The following DPP6 variants were observed in gnomAD, a reference collection of about 807,000 sequenced individuals.
DPP6 encodes dipeptidyl peptidase like 6.
DPP6 carries 69 observed loss-of-function variants against 122.6 expected under a neutral mutation model. The ratio of observed to expected loss-of-function variants is 0.56; its 90% CI spans 0.46 to 0.69. The LOEUF is 0.69. Among genes scored for constraint, DPP6 ranks in the 30% least tolerant of loss-of-function variants. DPP6 has a pLI of 0.00. For synonymous variants in DPP6, 418 were observed against 433.1 expected (o/e 0.97, Z 0.43); for missense variants, 928 against 1,116.9 (o/e 0.83, Z 2.41).
chr7:154,681,833 G>C (rs1839298997), intron 7 of DPP6, among the ~76,000 whole-genome samples: 1 of 152,204 alleles, frequency 6.6e-6, no homozygotes, highest in Non-Finnish European at 1.5e-5. Context: ...CCCACTTACT[G>C]TAGCAGTTAA....
intron 1 of DPP6, among the ~76,000 whole-genome samples, chr7:154,425,626 GTGTGTGT>G (rs1326085708): frequency 0.05 from 7,147 of 141,544 alleles, 371 homozygotes; most frequent in East Asian, 0.24. Flanking sequence ...GTGTGGGTGT[GTGTGTGT>G]GTGTGTGTGT....
chr7:154,330,108 T>A (rs1360994779), intron 1 of DPP6, among the ~76,000 whole-genome samples: 3 of 152,240 alleles, frequency 2.0e-5, no homozygotes, highest in Non-Finnish European at 4.4e-5. Context: ...AGATGATGGG[T>A]TGATAGGTGC....
chr7:154,518,185 G>A (rs1393617306), intron 3 of DPP6, among the ~76,000 whole-genome samples: 2 of 152,208 alleles, frequency 1.3e-5, no homozygotes, highest in Non-Finnish European at 2.9e-5. Flanking sequence ...GAGTCTTACT[G>A]TGTGTTAGTT....
At chr7:154,268,578 A>G (rs1389488412) in intron 1 of DPP6, among the ~76,000 whole-genome samples, 3 of 152,216 alleles carry the variant, frequency 2.0e-5, no homozygotes, top group African/African-American at 7.2e-5. Flanking sequence ...ATTCTGACAT[A>G]GGGATTTTGG....
chr7:154,436,213 G>A (rs1009155038), intron 1 of DPP6, among the ~76,000 whole-genome samples: 1 of 150,984 alleles, frequency 6.6e-6, no homozygotes, highest in Admixed American at 6.6e-5. Flanking sequence ...CTTTGTGCCT[G>A]TCTGTCCAGC....
intron 1 of DPP6, among the ~76,000 whole-genome samples, chr7:154,120,400 A>G (rs955824522): frequency 2.6e-5 from 4 of 152,010 alleles, no homozygotes; most frequent in Non-Finnish European, 5.9e-5. Context: ...GTCCGCCACC[A>G]TGCCCAGCTA....
At chr7:154,510,760 AG>A (rs1826005229) in intron 3 of DPP6, among the ~76,000 whole-genome samples, 1 of 151,994 alleles carries the variant, frequency 6.6e-6, no homozygotes, top group South Asian at 2.1e-4. Context: ...AGCAAGTAAG[AG>A]GGTAAGGAGG....
intron 1 of DPP6, among the ~76,000 whole-genome samples, chr7:154,409,091 C>T (rs1280320995): frequency 3.9e-5 from 6 of 152,154 alleles, no homozygotes; most frequent in Non-Finnish European, 2.9e-5. Flanking sequence ...TTGTGGTGAG[C>T]TGAGATTGCA....
intron 13 of DPP6, among the ~76,000 whole-genome samples, chr7:154,802,138 C>T (rs1309204971): frequency 2.0e-5 from 3 of 152,098 alleles, no homozygotes; most frequent in African/African-American, 7.2e-5. Flanking sequence ...AGAAGGGAAG[C>T]ATGATCTTGG....
chr7:154,287,645 C>T (rs75827286), intron 1 of DPP6, among the ~76,000 whole-genome samples: 9,382 of 152,262 alleles, frequency 0.062, 402 homozygotes, highest in East Asian at 0.19. Flanking sequence ...TTCCCCACAG[C>T]GGCCATCTGC....
At chr7:154,868,198 A>G in intron 18 of DPP6, 105 bp downstream of exon 18, 1 of 1,408,186 alleles carries the variant, frequency 7.1e-7, no homozygotes, top group Non-Finnish European at 9.5e-7. Context: ...AGACTCCCCA[A>G]GCACGGGGGT....
At chr7:154,006,384 A>G (rs1344308666) in intron 1 of DPP6, among the ~76,000 whole-genome samples, 1 of 152,074 alleles carries the variant, frequency 6.6e-6, no homozygotes, top group African/African-American at 2.4e-5. Context: ...TTAAGTGTCC[A>G]GAGGCAGAAA....
At chr7:154,524,404 C>T (rs1827241215) in intron 3 of DPP6, among the ~76,000 whole-genome samples, 1 of 152,178 alleles carries the variant, frequency 6.6e-6, no homozygotes, top group Admixed American at 6.5e-5. Context: ...AACTAACAAC[C>T]TTCCAGAACA....
chr7:153,776,162 A>G, the DPP6 span, among the ~76,000 whole-genome samples: 11 of 152,138 alleles, frequency 7.2e-5, no homozygotes, highest in Non-Finnish European at 1.5e-4. Context: ...TGATTTCAAG[A>G]TGTATTTTAT....
At chr7:154,859,308 A>T (rs1405980734) in intron 17 of DPP6, among the ~76,000 whole-genome samples, 2 of 152,226 alleles carry the variant, frequency 1.3e-5, no homozygotes, top group Admixed American at 6.5e-5. Context: ...CCCATGGCCT[A>T]CAGCTGGGCA....
At chr7:154,850,842 T>A (rs1802312732) in intron 16 of DPP6, among the ~76,000 whole-genome samples, 1 of 152,222 alleles carries the variant, frequency 6.6e-6, no homozygotes, top group African/African-American at 2.4e-5. Context: ...TTTTTCTTAG[T>A]CTGGCTAAAT....
the DPP6 span, among the ~76,000 whole-genome samples, chr7:153,784,877 A>T: frequency 3.3e-4 from 51 of 152,246 alleles, no homozygotes; most frequent in Admixed American, 3.3e-3. Flanking sequence ...TTACAATATC[A>T]GACCAAAATT....
In DPP6 at chr7:154,892,890, C is replaced by A. The variant is rs1332493867; in HGVS notation, c.*410C>A. The A allele has an allele frequency of 1.9e-6, 1 of 527,486 alleles. No homozygotes were observed. Among genetic ancestry groups the A allele is most frequent in the East Asian group, 5.3e-5 (1 of 18,910 alleles). The allele number at this position is 527,486 out of a possible 1,614,324, so 32.7% of individuals were successfully genotyped here. The stretch of plus-strand genomic sequence containing the variant: ...CTCTGTGTTCCCGTTAGGGACATCA[C>A]ACCCTGTCTCACGTCGCAGTGCCAT... On this transcript the variant is annotated 3_prime_UTR_variant, in exon 26 of 26. Coordinates refer to ENST00000377770, the MANE Select transcript of DPP6 (RefSeq NM_130797.4).
chr7:153,946,333 C>G (rs1801945687), intron 1 of DPP6, among the ~76,000 whole-genome samples: 1 of 152,052 alleles, frequency 6.6e-6, no homozygotes, highest in Non-Finnish European at 1.5e-5. Context: ...CAGGTTGGGG[C>G]AGAGATTTCA....
Sources: gnomAD v4.1 joint callset for allele counts (sites outside exome capture counted in the v4.1 genomes callset) on GRCh38, gnomAD v4.1.1 for gene constraint, MANE v1.5 for transcripts, NCBI Gene and HGNC (gene_info 2026-07-23, HGNC 2026-07-21) for gene names.